Variants in NRG1 observed in about 807,000 individuals in gnomAD.
The protein encoded by NRG1 is pro-neuregulin-1, membrane-bound isoform.
Under a neutral mutation model 63.8 loss-of-function variants are expected in NRG1, and 18 were observed. The ratio of observed to expected loss-of-function variants is 0.28; its 90% CI spans 0.19 to 0.42. The LOEUF is 0.42. NRG1 is among the 10% of genes least tolerant of loss of function. NRG1 has a pLI of 1.00. For synonymous variants in NRG1, 302 were observed against 301.3 expected (o/e 1.00, Z -0.02); for missense variants, 762 against 814.7 (o/e 0.94, Z 0.79).
At chr8:32,768,742 T>G (rs1831603583), downstream of NRG1, among the ~76,000 whole-genome samples, 1 of 152,196 alleles carries the variant, frequency 6.6e-6, no homozygotes, top group Non-Finnish European at 1.5e-5. Context: ...CACTCATTAT[T>G]CCAGGTAGGT....
intron 1 of NRG1, among the ~76,000 whole-genome samples, chr8:32,057,089 C>A (rs1264891522): frequency 6.6e-6 from 1 of 152,146 alleles, no homozygotes; most frequent in African/African-American, 2.4e-5. Context: ...TCAGCTTCTT[C>A]ACCATAAAGA....
At chr8:32,131,575 A>G (rs1028551636) in intron 1 of NRG1, among the ~76,000 whole-genome samples, 11 of 152,120 alleles carry the variant, frequency 7.2e-5, no homozygotes, top group Admixed American at 7.2e-4. Context: ...GAGTGTACAA[A>G]CCTGTGGCTA....
upstream of NRG1, among the ~76,000 whole-genome samples, chr8:32,544,590 C>T (rs1411426864): frequency 6.6e-6 from 1 of 151,236 alleles, no homozygotes; most frequent in Non-Finnish European, 1.5e-5. Flanking sequence ...GCAGCCTCAA[C>T]CTCCCAGGGC....
chr8:32,520,679 C>T (rs989181097), intron 1 of NRG1, among the ~76,000 whole-genome samples: 3 of 152,160 alleles, frequency 2.0e-5, no homozygotes, highest in Non-Finnish European at 4.4e-5. Context: ...ATACAGTAGT[C>T]CCCCCTTCTT....
At chr8:32,456,133 T>C (rs1821567224) in intron 1 of NRG1, among the ~76,000 whole-genome samples, 1 of 152,230 alleles carries the variant, frequency 6.6e-6, no homozygotes, top group African/African-American at 2.4e-5. Flanking sequence ...CAAACAACCT[T>C]TTATTCATAG....
Position 32,773,542 on chromosome 8 carries a change from T to C in NRG1, c.942+13136T>C, listed in dbSNP as rs944226838. On this transcript the variant is annotated intron_variant, in intron 7 of 7. Transcript: ENST00000651335. ...CTGAGCAATAGTCTAGATTTCTCCC[T>C]CCACATCTAATTGGTGACAATGGTG... Among the ~76,000 whole-genome samples the C allele has an allele frequency of 7.2e-5, 11 of 152,156 alleles. No homozygotes were observed. In the South Asian group the frequency reaches 2.3e-3, roughly 31 times the overall value.
At chr8:32,402,776 T>C (rs1374666740) in intron 1 of NRG1, among the ~76,000 whole-genome samples, 1 of 152,110 alleles carries the variant, frequency 6.6e-6, no homozygotes, top group African/African-American at 2.4e-5. Flanking sequence ...AATGCTGAAG[T>C]TGTTAGATCT....
chr8:32,327,010 T>C (rs572100538), intron 1 of NRG1, among the ~76,000 whole-genome samples: 3 of 152,308 alleles, frequency 2.0e-5, no homozygotes, highest in South Asian at 4.1e-4. Flanking sequence ...TCTTGGAAAT[T>C]CTGCTAGTCA....
chr8:32,238,469 A>T (rs920236549), intron 1 of NRG1, among the ~76,000 whole-genome samples: 1 of 151,776 alleles, frequency 6.6e-6, no homozygotes, highest in Non-Finnish European at 1.5e-5. Context: ...AACCTTTAGG[A>T]AGGATAAAAC....
At chr8:31,744,348 C>A (rs1233834279) in intron 1 of NRG1, among the ~76,000 whole-genome samples, 2 of 151,992 alleles carry the variant, frequency 1.3e-5, no homozygotes, top group Non-Finnish European at 2.9e-5. Flanking sequence ...AAAATGGGAA[C>A]CTAAAAGTAC....
At chr8:31,664,968 G>T (rs1806375166) in intron 1 of NRG1, among the ~76,000 whole-genome samples, 1 of 152,124 alleles carries the variant, frequency 6.6e-6, no homozygotes, top group African/African-American at 2.4e-5. Context: ...CAAATGAACA[G>T]GTCATAGATA....
intron 1 of NRG1, among the ~76,000 whole-genome samples, chr8:32,538,490 G>A (rs551447057): frequency 1.8e-4 from 28 of 152,302 alleles, no homozygotes; most frequent in African/African-American, 6.5e-4. Flanking sequence ...CAGAGTAGGT[G>A]AATGTGAATT....
intron 1 of NRG1, among the ~76,000 whole-genome samples, chr8:32,148,389 C>A (rs770486538): frequency 3.9e-5 from 6 of 152,094 alleles, no homozygotes; most frequent in Non-Finnish European, 8.8e-5. Flanking sequence ...CACTGTGAAG[C>A]CCTTACAGAT....
At chr8:31,725,612 G>T (rs1813354748) in intron 1 of NRG1, among the ~76,000 whole-genome samples, 1 of 152,070 alleles carries the variant, frequency 6.6e-6, no homozygotes, top group South Asian at 2.1e-4. Flanking sequence ...TTTTATTCCA[G>T]AGCCAATCTC....
At chr8:32,660,327 G>C (rs1357790924) in intron 5 of NRG1, among the ~76,000 whole-genome samples, 1 of 152,130 alleles carries the variant, frequency 6.6e-6, no homozygotes, top group East Asian at 1.9e-4. Context: ...TATGAAGTAG[G>C]TATCTCATTC....
intron 1 of NRG1, among the ~76,000 whole-genome samples, chr8:31,786,054 C>A (rs1350752918): frequency 1.3e-5 from 2 of 152,108 alleles, no homozygotes; most frequent in Admixed American, 6.6e-5. Context: ...TTTATTCATG[C>A]AGAAAAAATT....
At chr8:32,627,721 A>G (rs1198856893) in intron 5 of NRG1, among the ~76,000 whole-genome samples, 4 of 152,202 alleles carry the variant, frequency 2.6e-5, no homozygotes, top group Admixed American at 2.6e-4. Flanking sequence ...AATTTTAAAA[A>G]GGATGCCTAG....
intron 1 of NRG1, chr8:32,061,844 T>G (rs192647030): frequency 9.2e-5 from 14 of 152,134 alleles, no homozygotes; most frequent in Admixed American, 8.5e-4. Flanking sequence ...GTGAGAAACA[T>G]GAACTGCATT....
chr8:32,580,329 G>T (rs1388657866), intron 1 of NRG1, among the ~76,000 whole-genome samples: 1 of 152,118 alleles, frequency 6.6e-6, no homozygotes, highest in Non-Finnish European at 1.5e-5. Flanking sequence ...GCCTGCTACA[G>T]GAATGAATTT....
Sources: allele counts gnomAD v4.1 joint callset (sites outside exome capture counted in the v4.1 genomes callset), GRCh38; gene constraint gnomAD v4.1.1; transcripts MANE v1.5; gene names NCBI Gene and HGNC (gene_info 2026-07-23, HGNC 2026-07-21).